The following NCOA2 variants were observed in gnomAD, a reference collection of about 807,000 sequenced individuals.
NCOA2 encodes the protein nuclear receptor coactivator 2.
Under a neutral mutation model 145.1 loss-of-function variants are expected in NCOA2, and 21 were observed. The ratio of observed to expected loss-of-function variants is 0.14; its 90% CI spans 0.10 to 0.21. The LOEUF (loss-of-function observed/expected upper bound fraction) is 0.21. Ranked by LOEUF, NCOA2 falls within the 10% of genes least tolerant of loss-of-function variation. NCOA2 has a pLI of 1.00. For missense variants in NCOA2, 1,472 were observed against 1,837.6 expected, an observed-to-expected ratio of 0.80 and a Z score of 3.64; for synonymous variants, 619 against 637.5, an observed-to-expected ratio of 0.97 and a Z score of 0.44.
At position 70,293,175 on chromosome 8, in the gene NCOA2, T is replaced by C. The variant is rs945988373; in HGVS notation, c.-20+3569A>G. ...GCAAAAGATATATATTTCAGTATTC[T>C]CAATTTTAGTTTAGATTAATACTGA... On this transcript the variant is annotated intron_variant, in intron 2 of 22. Transcript: ENST00000452400. Among the ~76,000 whole-genome samples the C allele has an allele frequency of 5.9e-5, 9 of 152,320 alleles. No homozygotes were observed. In the East Asian group the frequency reaches 1.4e-3, roughly 23 times the overall value.
intron 3 of NCOA2, among the ~76,000 whole-genome samples, chr8:70,215,953 ATCT>A (rs2133931249): frequency 6.6e-6 from 1 of 152,324 alleles, no homozygotes; most frequent in East Asian, 1.9e-4. Context: ...GAGCATCCTC[ATCT>A]TTATCCTAGC....
In NCOA2 at chr8:70,111,530, T is replaced by G. The variant is rs1806536958; in HGVS notation, c.*2102A>C. On this transcript the variant is annotated 3_prime_UTR_variant, in exon 23 of 23. Transcript: ENST00000452400. ...GTTTGGTGGAGAAAAGTAGAGCCTTTTGAGGGGATATATGAACTGGTGGCC... is the reference window on the plus strand; with the variant it reads ...GTTTGGTGGAGAAAAGTAGAGCCTTGTGAGGGGATATATGAACTGGTGGCC... 2 of 217,452 alleles carry G rather than the reference T, an allele frequency of 9.2e-6. No homozygotes were observed. The highest frequency in any genetic ancestry group is 1.9e-5 in the Non-Finnish European group (2 of 108,058). 13.5% of individuals were successfully genotyped at this position (217,452 alleles called of 1,614,324 possible). A position where few individuals can be genotyped will look rare whatever the true frequency, so the allele number is the denominator to read the frequency against.
intron 1 of NCOA2, among the ~76,000 whole-genome samples, chr8:70,299,139 T>C (rs1827307561): frequency 6.6e-6 from 1 of 152,188 alleles, no homozygotes; most frequent in Non-Finnish European, 1.5e-5. Context: ...TCCAAACATC[T>C]AGATACCTTG....
At chr8:70,350,160 C>T (rs960010960) in intron 1 of NCOA2, among the ~76,000 whole-genome samples, 1 of 152,054 alleles carries the variant, frequency 6.6e-6, no homozygotes, top group African/African-American at 2.4e-5. Flanking sequence ...ACTTACTATT[C>T]CCATACTCTC....
At chr8:70,121,732 C>T (rs1315746496) in intron 21 of NCOA2, among the ~76,000 whole-genome samples, 1 of 152,346 alleles carries the variant, frequency 6.6e-6, no homozygotes, top group Non-Finnish European at 1.5e-5. Flanking sequence ...CAATGACTCA[C>T]ATTTGGGACT....
chr8:70,131,289 G>A (rs1315316211), intron 16 of NCOA2, among the ~76,000 whole-genome samples: 1 of 152,084 alleles, frequency 6.6e-6, no homozygotes, highest in Non-Finnish European at 1.5e-5. Context: ...GAACTCCTGG[G>A]CTAAACCATA....
rs548099447 is a variant in NCOA2, at chr8:70,120,815, T to C, written c.4383+487A>G. On this transcript the variant is annotated intron_variant, in intron 22 of 22. Transcript: ENST00000452400. The stretch of plus-strand genomic sequence containing the variant: ...TAACACAATAATGTAAATAATGTAC[T>C]AGATTGTTCCTAAACACAACGAAAT... 6.6e-4 allele frequency among the ~76,000 whole-genome samples: 101 copies of C among 152,322 alleles called. 1 individual carries two copies. The highest frequency in any genetic ancestry group is 3.4e-3 in the Middle Eastern group (1 of 294).
Position 70,375,028 on chromosome 8 carries a change from G to A in NCOA2, c.-77+28672C>T, listed in dbSNP as rs116357973. 9.9e-3 allele frequency among the ~76,000 whole-genome samples: 1,505 copies of A among 151,454 alleles called. 34 individuals carry two copies. The highest frequency in any genetic ancestry group is 0.035 in the African/African-American group (1,427 of 41,290). The stretch of plus-strand genomic sequence containing the variant: ...ACCCTACGTCTGCATTTTTAACATC[G>A]CATATCATCCTGGTAAATGAAAAAA... On this transcript the variant is annotated intron_variant, in intron 1 of 22. Transcript: ENST00000452400.
intron 1 of NCOA2, among the ~76,000 whole-genome samples, chr8:70,321,306 T>A (rs1369378187): frequency 6.6e-6 from 1 of 152,044 alleles, no homozygotes; most frequent in Admixed American, 6.6e-5. Flanking sequence ...CCACATTATA[T>A]TCATAAAATA....
At chr8:70,205,807 T>C (rs1264551407) in intron 4 of NCOA2, among the ~76,000 whole-genome samples, 1 of 152,276 alleles carries the variant, frequency 6.6e-6, no homozygotes, top group South Asian at 2.1e-4. Context: ...GACTTTGTCA[T>C]AGACTCCGCT....
At chr8:70,123,393 CT>C (rs1432008590) in intron 21 of NCOA2, among the ~76,000 whole-genome samples, 7 of 152,078 alleles carry the variant, frequency 4.6e-5, no homozygotes, top group Non-Finnish European at 8.8e-5. Context: ...TAGTATGTGC[CT>C]ATAATCCCAG....
chr8:70,182,997 C>T (rs1427914981), intron 4 of NCOA2, among the ~76,000 whole-genome samples: 2 of 152,114 alleles, frequency 1.3e-5, no homozygotes, highest in Admixed American at 1.3e-4. Context: ...CATTCATTCC[C>T]TGATATGATA....
the NCOA2 span, among the ~76,000 whole-genome samples, chr8:70,452,253 G>A: frequency 3.4e-3 from 516 of 152,298 alleles, 3 homozygotes; most frequent in Middle Eastern, 0.014. Context: ...GGGATTACAG[G>A]TGTGAGCCAC....
At chr8:70,236,429 A>G (rs377643841) in intron 2 of NCOA2, among the ~76,000 whole-genome samples, 2 of 152,248 alleles carry the variant, frequency 1.3e-5, no homozygotes, top group East Asian at 3.9e-4. Flanking sequence ...ATAAATGCAC[A>G]TGGTTCCTCA....
chr8:70,315,964 G>A (rs781152783), intron 1 of NCOA2, among the ~76,000 whole-genome samples: 20 of 152,174 alleles, frequency 1.3e-4, no homozygotes, highest in Non-Finnish European at 2.1e-4. Context: ...TGGTAGGCAG[G>A]AATTAATAGA....
intron 1 of NCOA2, among the ~76,000 whole-genome samples, chr8:70,376,342 T>G (rs1314704099): frequency 1.3e-5 from 2 of 151,652 alleles, no homozygotes; most frequent in Admixed American, 6.6e-5. Context: ...AAAATACATT[T>G]TACACAGTGG....
At chr8:70,369,011 GA>G (rs202091634) in intron 1 of NCOA2, among the ~76,000 whole-genome samples, 7 of 151,458 alleles carry the variant, frequency 4.6e-5, no homozygotes, top group African/African-American at 1.2e-4. Flanking sequence ...CAAAAAAAAG[GA>G]AAAAAAAGGG....
the NCOA2 span, among the ~76,000 whole-genome samples, chr8:70,429,877 G>C: frequency 6.6e-6 from 1 of 152,074 alleles, no homozygotes; most frequent in East Asian, 1.9e-4. Flanking sequence ...TTTTTGTTTT[G>C]TTTTCTTTTT....
rs557479682 is a variant in NCOA2 at position 70,340,545 on chromosome 8, A to T, written c.-76-43745T>A. ...GTGGAAGACAGTGTAGCGACTTCTC[A>T]AAGACCTAGAGTCAGAAATACCATT... On this transcript the variant is annotated intron_variant, in intron 1 of 22. Transcript: ENST00000452400. Among the ~76,000 whole-genome samples the T allele has an allele frequency of 3.3e-5, 5 of 152,362 alleles. No homozygotes were observed. In the South Asian group the frequency reaches 1.0e-3, roughly 32 times the overall value.
Sources: gnomAD v4.1 joint callset for allele counts (sites outside exome capture counted in the v4.1 genomes callset) on GRCh38, gnomAD v4.1.1 for gene constraint, MANE v1.5 for transcripts, NCBI Gene and HGNC (gene_info 2026-07-23, HGNC 2026-07-21) for gene names.